The following ME1 variants were observed in gnomAD, a reference collection of about 807,000 sequenced individuals.
ME1 encodes the protein NADP-dependent malic enzyme.
ME1 carries 74 observed loss-of-function variants against 66.4 expected under a neutral mutation model. That is an observed-to-expected ratio of 1.11 (90% confidence interval 0.92 to 1.35). The LOEUF is 1.35. ME1 is among the 40% of genes most tolerant of loss of function. The pLI, the probability that ME1 is intolerant of heterozygous loss-of-function variation, is 0.00. For synonymous variants in ME1, 251 were observed against 235.6 expected, an observed-to-expected ratio of 1.07 and a Z score of -0.60; for missense variants, 750 against 694.1, an observed-to-expected ratio of 1.08 and a Z score of -0.90.
intron 2 of ME1, among the ~76,000 whole-genome samples, chr6:83,401,556 G>T (rs1409115089): frequency 6.6e-6 from 1 of 152,154 alleles, no homozygotes; most frequent in Admixed American, 6.5e-5. Flanking sequence ...GCTAAAGGAA[G>T]ATGTTATGGA....
At chr6:83,323,876 G>A (rs930298825) in intron 5 of ME1, among the ~76,000 whole-genome samples, 1 of 152,116 alleles carries the variant, frequency 6.6e-6, no homozygotes, top group African/African-American at 2.4e-5. Flanking sequence ...CAAATCAACA[G>A]AGTATACATT....
chr6:83,245,670 A>G (rs919788240), intron 7 of ME1, among the ~76,000 whole-genome samples: 5 of 152,210 alleles, frequency 3.3e-5, no homozygotes, highest in Non-Finnish European at 5.9e-5. Context: ...GGCATCCCAA[A>G]GTGCTGGGAT....
chr6:83,393,716 C>G (rs1036297741), intron 3 of ME1, among the ~76,000 whole-genome samples: 1 of 152,066 alleles, frequency 6.6e-6, no homozygotes, highest in African/African-American at 2.4e-5. Flanking sequence ...TAGTATCTCT[C>G]AGAAACAAAA....
At chr6:83,388,923 C>A (rs9444067) in intron 3 of ME1, among the ~76,000 whole-genome samples, 1 of 152,068 alleles carries the variant, frequency 6.6e-6, no homozygotes, top group Admixed American at 6.5e-5. Flanking sequence ...TGAGACCAGC[C>A]TGGGCAACAT....
chr6:83,362,207 C>T lies in ME1; in HGVS notation c.363-10068G>A, dbSNP rs544122754. The stretch of plus-strand genomic sequence containing the variant: ...ACATGGTCAGATGTGCGATTATACA[C>T]GGATTCATGGGCTGTAGGTTTGGCT... On this transcript the variant is annotated intron_variant, in intron 3 of 13. Transcript: ENST00000369705. Among the ~76,000 whole-genome samples, 40 of 152,314 alleles carry T rather than the reference C, an allele frequency of 2.6e-4. No homozygotes were observed. In the East Asian group the frequency reaches 3.9e-3, roughly 15 times the overall value.
intron 1 of ME1, among the ~76,000 whole-genome samples, chr6:83,410,602 G>A (rs977998881): frequency 6.6e-6 from 1 of 152,042 alleles, no homozygotes; most frequent in Non-Finnish European, 1.5e-5. Flanking sequence ...AAAATGAAAA[G>A]GGGAAAGGAA....
At chr6:83,314,945 A>T (rs1768001123) in intron 6 of ME1, among the ~76,000 whole-genome samples, 1 of 152,152 alleles carries the variant, frequency 6.6e-6, no homozygotes, top group Admixed American at 6.5e-5. Context: ...AAGATGACTG[A>T]AGATCAGATT....
intron 3 of ME1, chr6:83,393,261 A>T (rs1159889376): frequency 8.5e-7 from 1 of 1,169,636 alleles, no homozygotes; most frequent in East Asian, 2.3e-5. Flanking sequence ...CTCCAACTTC[A>T]ACAGACACCC....
intron 5 of ME1, among the ~76,000 whole-genome samples, chr6:83,345,234 G>A (rs1768665034): frequency 6.6e-6 from 1 of 152,146 alleles, no homozygotes; most frequent in Non-Finnish European, 1.5e-5. Flanking sequence ...GGCCAGCTTT[G>A]ATAATTTCTA....
At chr6:83,385,794 A>G (rs6937273) in intron 3 of ME1, among the ~76,000 whole-genome samples, 49,891 of 151,536 alleles carry the variant, frequency 0.33, 8,737 homozygotes, top group Middle Eastern at 0.5. Flanking sequence ...TAAGATATAG[A>G]ATACTCTACC....
intron 6 of ME1, among the ~76,000 whole-genome samples, chr6:83,284,053 G>C (rs1469694343): frequency 6.6e-6 from 1 of 152,102 alleles, no homozygotes; most frequent in Non-Finnish European, 1.5e-5. Flanking sequence ...CAAAGGTGAT[G>C]TTGCAACCAA....
At chr6:83,304,663 T>C (rs1767793929) in intron 6 of ME1, among the ~76,000 whole-genome samples, 1 of 152,164 alleles carries the variant, frequency 6.6e-6, no homozygotes, top group Non-Finnish European at 1.5e-5. Flanking sequence ...CACTACATAT[T>C]GGTAAAATAA....
intron 6 of ME1, among the ~76,000 whole-genome samples, chr6:83,265,616 C>T (rs185177590): frequency 4.6e-5 from 7 of 152,246 alleles, no homozygotes; most frequent in African/African-American, 1.7e-4. Flanking sequence ...CACAACTTTT[C>T]ACTGAGAAAC....
rs530832736 is a variant in ME1, at chr6:83,265,986, C to A, written c.705-12248G>T. ...TCTGATTATTCTCAAAAGTCAATAT[C>A]CACTTCAAAGGATTTTTCCTGAAAT... On this transcript the variant is annotated intron_variant, in intron 6 of 13. Coordinates refer to ENST00000369705, the MANE Select transcript of ME1 (RefSeq NM_002395.6). 2.6e-5 allele frequency among the ~76,000 whole-genome samples: 4 copies of A among 152,154 alleles called. No individual in the cohort carries two copies. The South Asian group carries it at 8.3e-4, about 32-fold the overall frequency.
At chr6:83,390,477 A>G (rs1393698064) in intron 3 of ME1, among the ~76,000 whole-genome samples, 1 of 152,162 alleles carries the variant, frequency 6.6e-6, no homozygotes, top group Non-Finnish European at 1.5e-5. Context: ...TCACGCATCC[A>G]CAATTCCCTT....
rs1159645105 is a variant in ME1, at chr6:83,318,033, G to C, written c.601-2620C>G. On this transcript the variant is annotated intron_variant, in intron 5 of 13. Transcript: ENST00000369705. ...ACTATCTGATCTTTGACAAACCTGAGAAAAACAAGAAATGGGGAAAGGATT... is the reference window on the plus strand; with the variant it reads ...ACTATCTGATCTTTGACAAACCTGACAAAAACAAGAAATGGGGAAAGGATT... 7.2e-5 allele frequency among the ~76,000 whole-genome samples: 11 copies of C among 152,124 alleles called. No homozygotes were observed. In the East Asian group the frequency reaches 7.7e-4, roughly 11 times the overall value.
chr6:83,302,308 G>A (rs144598347), intron 6 of ME1, among the ~76,000 whole-genome samples: 224 of 152,208 alleles, frequency 1.5e-3, no homozygotes, highest in African/African-American at 5.1e-3. Context: ...CTTAGAGTAG[G>A]AGGTTGGGAG....
In ME1 at chr6:83,211,309, T is replaced by C. The variant is rs531383503; in HGVS notation, c.*615A>G. ...GTAATAAGAGCTTTACTCTATGAGA[T>C]GTAACAATGACAAAAGAATATTAAA... On this transcript the variant is annotated 3_prime_UTR_variant, in exon 14 of 14. Transcript: ENST00000369705. The C allele has an allele frequency of 6.5e-6, 1 of 152,772 alleles. No homozygotes were observed. Among genetic ancestry groups the C allele is most frequent in the Non-Finnish European group, 1.5e-5 (1 of 68,032 alleles). 9.5% of individuals were successfully genotyped at this position (152,772 alleles called of 1,614,324 possible).
At chr6:83,361,247 T>C (rs12192297) in intron 3 of ME1, among the ~76,000 whole-genome samples, 50,702 of 152,076 alleles carry the variant, frequency 0.33, 8,828 homozygotes, top group Middle Eastern at 0.5. Context: ...AAATTTCTAG[T>C]GGTCCAGTGG....
Sources: allele counts gnomAD v4.1 joint callset (sites outside exome capture counted in the v4.1 genomes callset), GRCh38; gene constraint gnomAD v4.1.1; transcripts MANE v1.5; gene names NCBI Gene and HGNC (gene_info 2026-07-23, HGNC 2026-07-21).